The following MYO6 variants were observed in gnomAD, a reference collection of about 807,000 sequenced individuals.
MYO6 encodes the protein unconventional myosin-VI.
In MYO6, 74 loss-of-function variants were observed where a neutral mutation model predicts 178.7. That is an observed-to-expected ratio of 0.41 (90% CI 0.34 to 0.50). The LOEUF (loss-of-function observed/expected upper bound fraction) is 0.50. Among genes scored for constraint, MYO6 ranks in the 20% least tolerant of loss-of-function variants. The pLI is 0.09. For synonymous variants in MYO6, 477 were observed against 504.6 expected (o/e 0.95, Z 0.73); for missense variants, 1,330 against 1,547.4 (o/e 0.86, Z 2.36).
chr6:75,838,648 G>GT (rs113038679), intron 7 of MYO6, among the ~76,000 whole-genome samples: 5,893 of 137,058 alleles, frequency 0.043, 164 homozygotes, highest in Non-Finnish European at 0.062. Context: ...GTTGACCATG[G>GT]TTTTTTTTTT....
chr6:75,783,911 T>C (rs1466970920), intron 1 of MYO6, among the ~76,000 whole-genome samples: 1 of 152,140 alleles, frequency 6.6e-6, no homozygotes, highest in Non-Finnish European at 1.5e-5. Context: ...TGAGTATAGT[T>C]CTTGTTTATC....
intron 1 of MYO6, among the ~76,000 whole-genome samples, chr6:75,749,682 C>T (rs1238120186): frequency 2.0e-5 from 3 of 152,210 alleles, no homozygotes; most frequent in Non-Finnish European, 2.9e-5. Context: ...GTGTTTCTTC[C>T]CTGGCTCCCA....
intron 1 of MYO6, among the ~76,000 whole-genome samples, chr6:75,780,887 A>G (rs1179792841): frequency 6.6e-6 from 1 of 151,432 alleles, no homozygotes; most frequent in Non-Finnish European, 1.5e-5. Flanking sequence ...GGCTCACTGC[A>G]ACCTCCGCCT....
At chr6:75,851,673 C>T (rs929318836) in intron 11 of MYO6, among the ~76,000 whole-genome samples, 13 of 151,508 alleles carry the variant, frequency 8.6e-5, no homozygotes, top group South Asian at 8.3e-4. Flanking sequence ...CACACACAAA[C>T]GCACACACAC....
In MYO6 at chr6:75,901,731, A is replaced by G. The variant is rs932381763; in HGVS notation, c.3176+3320A>G. Among the ~76,000 whole-genome samples the G allele has an allele frequency of 3.9e-5, 6 of 152,058 alleles. No homozygotes were observed. The South Asian group carries it at 6.2e-4, about 16-fold the overall frequency. On this transcript the variant is annotated intron_variant, in intron 30 of 34. Coordinates refer to ENST00000369977, the MANE Select transcript of MYO6 (RefSeq NM_004999.4). ...TACCCTTTATTTCCTTCTTCTGCCT[A>G]ATTGCCCTGGCCAGAACTTCCAACA... is the stretch of plus-strand genomic sequence containing the variant.
At chr6:75,774,801 AT>A (rs200067699) in intron 1 of MYO6, among the ~76,000 whole-genome samples, 2,073 of 146,418 alleles carry the variant, frequency 0.014, 68 homozygotes, top group East Asian at 0.13. Flanking sequence ...TATTATTACT[AT>A]TTTTTTTTTT....
intron 18 of MYO6, among the ~76,000 whole-genome samples, chr6:75,867,998 A>G (rs1392943784): frequency 1.3e-5 from 2 of 152,154 alleles, no homozygotes; most frequent in Admixed American, 6.5e-5. Context: ...TGTTATATTT[A>G]TAATAAAACT....
chr6:75,868,930 A>T (rs977857959), intron 18 of MYO6, among the ~76,000 whole-genome samples: 1 of 152,158 alleles, frequency 6.6e-6, no homozygotes, highest in Non-Finnish European at 1.5e-5. Context: ...ATAAAAATAC[A>T]AATAAAGCAT....
intron 1 of MYO6, among the ~76,000 whole-genome samples, chr6:75,756,643 A>G (rs1176956812): frequency 6.6e-6 from 1 of 152,112 alleles, no homozygotes; most frequent in Non-Finnish European, 1.5e-5. Flanking sequence ...AATAGCAGCT[A>G]TTGTTTATTG....
At chr6:75,871,505 C>T (rs369704116) in intron 19 of MYO6, among the ~76,000 whole-genome samples, 1 of 152,316 alleles carries the variant, frequency 6.6e-6, no homozygotes, top group East Asian at 1.9e-4. Flanking sequence ...CTGACTTGGC[C>T]TCTCAAAGTG....
At chr6:75,795,170 A>C (rs1302067819) in intron 1 of MYO6, among the ~76,000 whole-genome samples, 1 of 152,224 alleles carries the variant, frequency 6.6e-6, no homozygotes, top group Non-Finnish European at 1.5e-5. Flanking sequence ...AGACTCGAGA[A>C]TGAATTTTGG....
chr6:75,895,336 T>C (rs1779211591), intron 29 of MYO6, 76 bp downstream of exon 29: 12 of 1,143,238 alleles, frequency 1.0e-5, no homozygotes, highest in Non-Finnish European at 1.6e-5. Flanking sequence ...TTGGAGTAAA[T>C]TTTAAATTAT....
chr6:75,823,245 A>G (rs1772089274), intron 3 of MYO6, among the ~76,000 whole-genome samples: 1 of 152,218 alleles, frequency 6.6e-6, no homozygotes, highest in South Asian at 2.1e-4. Context: ...CACCGTTTGA[A>G]GCAAACATGC....
chr6:75,777,178 G>T (rs1766475433), intron 1 of MYO6, among the ~76,000 whole-genome samples: 1 of 152,096 alleles, frequency 6.6e-6, no homozygotes, highest in African/African-American at 2.4e-5. Context: ...GATGAGAAAA[G>T]TATCTCATTG....
At position 75,881,564 on chromosome 6, in the gene MYO6, T is replaced by C. The variant is rs1229879652; in HGVS notation, c.2287-125T>C. 5.5e-6 allele frequency: 5 copies of C among 916,376 alleles called. No homozygotes were observed. The Admixed American group carries it at 6.0e-5, about 11-fold the overall frequency. 56.8% of individuals were successfully genotyped at this position (916,376 alleles called of 1,614,324 possible). On this transcript the variant is annotated intron_variant, in intron 22 of 34. Transcript: ENST00000369977. ...TTGTTGTATTCTCTGCCAAGGCCTA[T>C]GTAATTGACATGTGACCATTTTCAG...
At chr6:75,777,621 G>C (rs774485984) in intron 1 of MYO6, among the ~76,000 whole-genome samples, 1 of 151,138 alleles carries the variant, frequency 6.6e-6, no homozygotes, top group Non-Finnish European at 1.5e-5. Context: ...TTTTTTTGTG[G>C]AGACAAGGTT....
chr6:75,875,809 A>T (rs551171649), intron 20 of MYO6, among the ~76,000 whole-genome samples: 1 of 152,216 alleles, frequency 6.6e-6, no homozygotes, highest in South Asian at 2.1e-4. Flanking sequence ...CTTCCTAAGT[A>T]TTCTCCTATC....
intron 3 of MYO6, among the ~76,000 whole-genome samples, chr6:75,826,154 G>T (rs536992478): frequency 6.6e-6 from 1 of 152,188 alleles, no homozygotes; most frequent in East Asian, 1.9e-4. Flanking sequence ...CCTTTAGGGA[G>T]ATGTAGGCAG....
chr6:75,892,393 G>T, intron 27 of MYO6, 137 bp from the exon 28 acceptor site: 1 of 1,123,574 alleles, frequency 8.9e-7, no homozygotes, highest in Non-Finnish European at 1.3e-6. Flanking sequence ...AGACTGAAGA[G>T]ATCTGTGCTT....
Sources: gnomAD v4.1 joint callset for allele counts (sites outside exome capture counted in the v4.1 genomes callset) on GRCh38, gnomAD v4.1.1 for gene constraint, MANE v1.5 for transcripts, NCBI Gene and HGNC (gene_info 2026-07-23, HGNC 2026-07-21) for gene names.